Variants in UBE2N observed in about 807,000 individuals in gnomAD.
UBE2N encodes the protein ubiquitin-conjugating enzyme E2 N.
For synonymous variants in UBE2N, 70 were observed against 69.2 expected (o/e 1.01, Z -0.06); for missense variants, 60 against 192.1 (o/e 0.31, Z 4.07).
At chr12:93,437,305 G>A (rs1050280910) in intron 1 of UBE2N, among the ~76,000 whole-genome samples, 12 of 151,480 alleles carry the variant, frequency 7.9e-5, no homozygotes, top group Admixed American at 2.0e-4. Flanking sequence ...CTATGATCAC[G>A]CCTGTGAAAA....
chr12:93,437,318 C>T (rs1156653293), intron 1 of UBE2N, among the ~76,000 whole-genome samples: 1 of 151,540 alleles, frequency 6.6e-6, no homozygotes, highest in Non-Finnish European at 1.5e-5. Flanking sequence ...TGTGAAAAGC[C>T]ACTGCACTCC....
chr12:93,419,839 A>C (rs892257145), intron 1 of UBE2N, among the ~76,000 whole-genome samples: 3 of 152,236 alleles, frequency 2.0e-5, no homozygotes, highest in Non-Finnish European at 4.4e-5. Flanking sequence ...AAAATAGCTT[A>C]AGAAAACTAA....
At chr12:93,425,547 CTT>C (rs1481744476) in intron 1 of UBE2N, among the ~76,000 whole-genome samples, 2 of 152,184 alleles carry the variant, frequency 1.3e-5, no homozygotes, top group Non-Finnish European at 2.9e-5. Flanking sequence ...ACCAGTGTGT[CTT>C]GCATTTCTTA....
At chr12:93,423,462 C>T (rs1396735943) in intron 1 of UBE2N, among the ~76,000 whole-genome samples, 2 of 152,128 alleles carry the variant, frequency 1.3e-5, no homozygotes, top group Non-Finnish European at 2.9e-5. Context: ...GGAGAGCATA[C>T]AAGTCAACCA....
chr12:93,419,489 G>GA (rs1878337826), intron 1 of UBE2N, among the ~76,000 whole-genome samples: 1 of 151,862 alleles, frequency 6.6e-6, no homozygotes, highest in Non-Finnish European at 1.5e-5. Flanking sequence ...GATTGTGTTT[G>GA]AAAAAAATTT....
rs747879478 is a variant in UBE2N at position 93,411,279 on chromosome 12, T to G, written c.51A>C (p.Ala17=). The G allele has an allele frequency of 6.2e-7, 1 of 1,606,108 alleles. No homozygotes were observed. The highest frequency in any genetic ancestry group is 1.3e-5 in the African/African-American group (1 of 74,738). ...CGGCTTTGATGCCAGGAACTGGTTC[T>G]GCCAGCAAACGCTGGGTTTCCTATG... ...RIIKETQRLL[A]EPVPGIKAEP... The change falls in exon 2 of 4, where the codon GCA becomes GCC. Residue 17 remains alanine, a synonymous_variant. Coordinates refer to ENST00000318066, the MANE Select transcript of UBE2N (RefSeq NM_003348.4).
Position 93,433,740 on chromosome 12 carries a change from C to A in UBE2N, c.30+8115G>T, listed in dbSNP as rs569047351. On this transcript the variant is annotated intron_variant, in intron 1 of 3. Coordinates refer to ENST00000318066, the MANE Select transcript of UBE2N (RefSeq NM_003348.4). ...AGCCCCTGCTGGATGCTGCTGTCCT[C>A]ATTTCCTTGTTTCTAGTATTTATTT... Among the ~76,000 whole-genome samples, 35 of 152,332 alleles carry A rather than the reference C, an allele frequency of 2.3e-4. No homozygotes were observed. The South Asian group carries it at 6.8e-3, about 30-fold the overall frequency.
chr12:93,425,312 G>A (rs1330080094), intron 1 of UBE2N, among the ~76,000 whole-genome samples: 1 of 152,114 alleles, frequency 6.6e-6, no homozygotes, highest in Non-Finnish European at 1.5e-5. Context: ...AGAGAATTAG[G>A]AAGTAAGGCT....
chr12:93,425,110 T>C (rs533182002), intron 1 of UBE2N, among the ~76,000 whole-genome samples: 21 of 152,326 alleles, frequency 1.4e-4, no homozygotes, highest in African/African-American at 4.8e-4. Context: ...GTTCTTTACA[T>C]TCTAATCCTT....
intron 1 of UBE2N, chr12:93,441,294 G>C (rs1217804116): frequency 6.6e-6 from 1 of 152,430 alleles, no homozygotes; most frequent in Admixed American, 6.5e-5. Flanking sequence ...GACCGCGGCA[G>C]GACGCGCGGG....
intron 1 of UBE2N, among the ~76,000 whole-genome samples, chr12:93,421,651 A>G (rs1380800668): frequency 2.0e-5 from 3 of 152,080 alleles, no homozygotes; most frequent in African/African-American, 7.2e-5. Context: ...TTCTTTTTGA[A>G]CTGGTAACCA....
intron 1 of UBE2N, among the ~76,000 whole-genome samples, chr12:93,439,065 A>G (rs928974832): frequency 6.6e-6 from 1 of 152,236 alleles, no homozygotes; most frequent in African/African-American, 2.4e-5. Context: ...AAATGTAAAT[A>G]GTGATCATTA....
At chr12:93,429,322 G>A (rs1275504797) in intron 1 of UBE2N, 7 of 416,552 alleles carry the variant, frequency 1.7e-5, no homozygotes, top group South Asian at 1.1e-4. Flanking sequence ...ATATATAAAT[G>A]AATGCAAGAT....
In UBE2N at chr12:93,422,529, G is replaced by A. The variant is rs76593385; in HGVS notation, c.31-11230C>T. Among the ~76,000 whole-genome samples the A allele has an allele frequency of 3.0e-4, 46 of 152,174 alleles. No homozygotes were observed. The East Asian group carries it at 7.5e-3, about 25-fold the overall frequency. ...AACCTATTGCATATTTTAGGTTCTG[G>A]GAGTGGGTATATAACTTAGTAGGTG... On this transcript the variant is annotated intron_variant, in intron 1 of 3. Coordinates refer to ENST00000318066, the MANE Select transcript of UBE2N (RefSeq NM_003348.4).
intron 1 of UBE2N, among the ~76,000 whole-genome samples, chr12:93,435,129 C>T (rs1565798660): frequency 6.6e-6 from 1 of 152,010 alleles, no homozygotes; most frequent in East Asian, 1.9e-4. Context: ...TTTTCCATGC[C>T]TTTTTTTAAT....
chr12:93,438,750 G>A (rs184676245), intron 1 of UBE2N, among the ~76,000 whole-genome samples: 91 of 152,178 alleles, frequency 6.0e-4, no homozygotes, highest in Non-Finnish European at 1.0e-3. Context: ...TGAAAGACAG[G>A]GGGGAAAGTG....
At position 93,411,254 on chromosome 12, in the gene UBE2N, C is replaced by T. The variant is rs754903428; in HGVS notation, c.76G>A (p.Glu26Lys). ...TAACGGGCGTTGCTCTCATCTGGTT[C>T]GGCTTTGATGCCAGGAACTGGTTCT... ...LAEPVPGIKA[E>K]PDESNARYFH... The change falls in exon 2 of 4, where the codon GAA becomes AAA. Residue 26 changes from glutamate to lysine, a missense_variant. Physicochemically the swap from Glu to Lys is moderately conservative, Grantham distance 56. Transcript: ENST00000318066. 4 of 1,613,308 alleles carry T rather than the reference C, an allele frequency of 2.5e-6. No homozygotes were observed. The highest frequency in any genetic ancestry group is 2.5e-6 in the Non-Finnish European group (3 of 1,179,422).
chr12:93,437,553 T>C (rs905297070), intron 1 of UBE2N, among the ~76,000 whole-genome samples: 4 of 152,054 alleles, frequency 2.6e-5, no homozygotes, highest in Non-Finnish European at 5.9e-5. Flanking sequence ...TCCTAGCACT[T>C]TGGGAGGCTG....
At chr12:93,424,871 T>C (rs983287630) in intron 1 of UBE2N, among the ~76,000 whole-genome samples, 4 of 152,246 alleles carry the variant, frequency 2.6e-5, no homozygotes, top group African/African-American at 9.6e-5. Flanking sequence ...GCATTCATTG[T>C]GCTTTCACAA....
Sources: gnomAD v4.1 joint callset for allele counts (sites outside exome capture counted in the v4.1 genomes callset) on GRCh38, gnomAD v4.1.1 for gene constraint, MANE v1.5 for transcripts, NCBI Gene and HGNC (gene_info 2026-07-23, HGNC 2026-07-21) for gene names.